The following PLCE1 variants were observed in gnomAD, a reference collection of about 807,000 sequenced individuals.
The protein encoded by PLCE1 is 1-phosphatidylinositol 4,5-bisphosphate phosphodiesterase epsilon-1.
PLCE1 carries 119 observed loss-of-function variants against 242.8 expected under a neutral mutation model. The observed-to-expected ratio is 0.49, with a 90% CI of 0.42 to 0.57. The LOEUF (loss-of-function observed/expected upper bound fraction) is 0.57, where lower values mean the gene tolerates loss of function less well. Among genes scored for constraint, PLCE1 ranks in the 20% least tolerant of loss-of-function variants. The pLI is 0.00. For synonymous variants in PLCE1, 945 were observed against 1,017.4 expected, an observed-to-expected ratio of 0.93 and a Z score of 1.35; for missense variants, 2,441 against 2,788.8, an observed-to-expected ratio of 0.88 and a Z score of 2.81.
rs371182661 is a variant in PLCE1 at position 94,264,513 on chromosome 10, T to C, written c.4054-1134T>C. Among the ~76,000 whole-genome samples, 196 of 43,322 alleles carry C rather than the reference T, an allele frequency of 4.5e-3. 1 individual carries two copies. The highest frequency in any genetic ancestry group is 0.022 in the African/African-American group (184 of 8,274). The allele number at this position is 43,322 out of a possible 152,430, so 28.4% of individuals were successfully genotyped here. The stretch of plus-strand genomic sequence containing the variant: ...TGAGCAGGGGAGTAACATGATTTGA[T>C]TTTTTTTTTTTTTTTTTTTTTTTTT... On this transcript the variant is annotated intron_variant, in intron 14 of 32. Transcript: ENST00000371380.
At chr10:94,254,045 C>T in intron 9 of PLCE1, 145 bp from the exon 10 acceptor site, 1 of 743,480 alleles carries the variant, frequency 1.3e-6, no homozygotes. Context: ...AATACTCGGT[C>T]AGCCTTAATG....
intron 1 of PLCE1, among the ~76,000 whole-genome samples, chr10:94,004,033 G>C (rs1488600260): frequency 6.6e-6 from 1 of 152,012 alleles, no homozygotes; most frequent in East Asian, 1.9e-4. Flanking sequence ...TGTAATCCTA[G>C]CTACTTGGGA....
chr10:94,231,192 A>G (rs967282509), intron 5 of PLCE1, among the ~76,000 whole-genome samples: 11 of 152,252 alleles, frequency 7.2e-5, no homozygotes, highest in Admixed American at 5.2e-4. Context: ...TCAATTCAAC[A>G]ATAAAGAATT....
intron 3 of PLCE1, among the ~76,000 whole-genome samples, chr10:94,153,548 A>T (rs1259033602): frequency 1.3e-5 from 2 of 152,194 alleles, no homozygotes; most frequent in Non-Finnish European, 2.9e-5. Flanking sequence ...CAGGGCAGTT[A>T]GGCAACAAAA....
At chr10:94,095,931 G>A (rs991272755) in intron 2 of PLCE1, among the ~76,000 whole-genome samples, 1 of 152,196 alleles carries the variant, frequency 6.6e-6, no homozygotes, top group South Asian at 2.1e-4. Flanking sequence ...AGGCCATTAG[G>A]ACAATATCAT....
intron 4 of PLCE1, among the ~76,000 whole-genome samples, chr10:94,225,819 C>T (rs1375969428): frequency 6.6e-6 from 1 of 152,220 alleles, no homozygotes; most frequent in African/African-American, 2.4e-5. Flanking sequence ...CACTCAATGC[C>T]ATTAATTCTT....
At chr10:94,118,440 A>T (rs1418879068) in intron 2 of PLCE1, among the ~76,000 whole-genome samples, 2 of 100,384 alleles carry the variant, frequency 2.0e-5, no homozygotes, top group African/African-American at 3.0e-5. Context: ...CCCCACCCAA[A>T]TCTCACCTTA....
Position 94,298,379 on chromosome 10 carries a change from G to C in PLCE1, c.5168G>C (p.Ser1723Thr). 1.2e-6 allele frequency: 2 copies of C among 1,613,956 alleles called. No homozygotes were observed. The highest frequency in any genetic ancestry group is 1.7e-6 in the Non-Finnish European group (2 of 1,179,910). The change falls in exon 24 of 33, where the codon AGT becomes ACT. Residue 1723 changes from serine (S) to threonine (T), a missense_variant and splice_region_variant. By Grantham distance (58) the Ser-to-Thr change is moderately conservative. This residue lies in a region of PLCE1 where 1,004 missense variants were observed against 1,322.7 expected (regional missense o/e 0.76). Transcript: ENST00000371380. This position sits in a 1 kb window ranked among gnomAD's most constrained non-coding sequence, Gnocchi z 5.2. ...GCGGCTAATTTCTTGGGGGGTTTAGGTTCCTGTGAAGGCATTCGACAGACC... is the reference window on the plus strand; with the variant it reads ...GCGGCTAATTTCTTGGGGGGTTTAGCTTCCTGTGAAGGCATTCGACAGACC... ...TASFNKTSGK[S>T]SCEGIRQTWE...
chr10:94,000,290 G>A (rs1292636221), intron 1 of PLCE1, among the ~76,000 whole-genome samples: 1 of 152,182 alleles, frequency 6.6e-6, no homozygotes, highest in African/African-American at 2.4e-5. Context: ...TTTGGGATCT[G>A]GAGTCAGGTT....
chr10:94,233,306 A>G (rs76878733), intron 5 of PLCE1, among the ~76,000 whole-genome samples: 415 of 152,340 alleles, frequency 2.7e-3, no homozygotes, highest in African/African-American at 8.7e-3. Flanking sequence ...TCAATTCTAC[A>G]GAAGAGGTGA....
intron 29 of PLCE1, among the ~76,000 whole-genome samples, chr10:94,317,261 AAAGAC>A (rs2053607799): frequency 6.6e-6 from 1 of 152,242 alleles, no homozygotes. Flanking sequence ...TCTCAAAAAA[AAAGAC>A]AAGGAAATAT....
In PLCE1 at chr10:94,330,928, T is replaced by C. The variant is rs1360536645; in HGVS notation, c.*2985T>C. Reference sequence around the variant, plus strand: ...CAAACTCTTCTCATTAAAGTTGATGTGGACAAGAATCTAAATATGCAAGTT... The same window carrying C: ...CAAACTCTTCTCATTAAAGTTGATGCGGACAAGAATCTAAATATGCAAGTT... On this transcript the variant is annotated 3_prime_UTR_variant, in exon 33 of 33. Transcript: ENST00000371380. 2 of 152,334 alleles carry C rather than the reference T, an allele frequency of 1.3e-5. No individual in the cohort carries two copies. Among genetic ancestry groups the C allele is most frequent in the East Asian group, 3.9e-4 (2 of 5,184 alleles). The allele number at this position is 152,334 out of a possible 1,614,324, so 9.4% of individuals were successfully genotyped here. A position where few individuals can be genotyped will look rare whatever the true frequency, so the allele number is the denominator to read the frequency against.
intron 4 of PLCE1, among the ~76,000 whole-genome samples, chr10:94,220,266 A>C (rs545589412): frequency 2.7e-5 from 4 of 150,612 alleles, no homozygotes; most frequent in African/African-American, 9.8e-5. Context: ...AGTGGCATGC[A>C]CCTGTAGTAC....
intron 3 of PLCE1, among the ~76,000 whole-genome samples, chr10:94,169,893 G>A (rs1337713091): frequency 1.3e-5 from 2 of 152,198 alleles, no homozygotes; most frequent in Admixed American, 6.5e-5. Flanking sequence ...TCTCTGGCTG[G>A]TGAGTGCCAT....
chr10:94,100,463 A>G (rs963945610), intron 2 of PLCE1: 12 of 152,228 alleles, frequency 7.9e-5, no homozygotes, highest in Admixed American at 3.9e-4. Context: ...GGATGTGCTC[A>G]TCTAGGCTGG....
At chr10:94,309,453 C>G (rs1404594461) in intron 27 of PLCE1, among the ~76,000 whole-genome samples, 1 of 152,120 alleles carries the variant, frequency 6.6e-6, no homozygotes, top group Non-Finnish European at 1.5e-5. Context: ...ACCTCAGCCT[C>G]CTGAGTAGAT....
At chr10:94,196,371 G>T (rs151015786) in intron 4 of PLCE1, among the ~76,000 whole-genome samples, 1 of 152,184 alleles carries the variant, frequency 6.6e-6, no homozygotes, top group East Asian at 1.9e-4. Context: ...CCCTCAGCCT[G>T]GTTGTCACAG....
chr10:94,059,028 G>A (rs1341471875), intron 2 of PLCE1, among the ~76,000 whole-genome samples: 2 of 152,162 alleles, frequency 1.3e-5, no homozygotes, highest in East Asian at 3.9e-4. Context: ...ACAGTCAGGT[G>A]TATGTTCCTA....
chr10:94,317,016 C>T (rs531509587), intron 29 of PLCE1, among the ~76,000 whole-genome samples: 3 of 152,032 alleles, frequency 2.0e-5, no homozygotes, highest in South Asian at 2.1e-4. Flanking sequence ...TTTGGGAGGC[C>T]GAGGTGGGTG....
Sources: gnomAD v4.1 joint callset for allele counts (sites outside exome capture counted in the v4.1 genomes callset) on GRCh38, gnomAD v4.1.1 for gene constraint, gnomAD v4.1.1 regional missense constraint, Gnocchi (gnomAD v3.1) non-coding constraint, MANE v1.5 for transcripts, NCBI Gene and HGNC (gene_info 2026-07-23, HGNC 2026-07-21) for gene names.